Variants in CSMD3 observed in about 807,000 individuals in gnomAD.
CSMD3 encodes CUB and Sushi multiple domains 3, also known as CUB and sushi domain-containing protein 3.
A neutral mutation model predicts 435.2 loss-of-function variants in CSMD3; 177 were observed. The ratio of observed to expected loss-of-function variants is 0.41; its 90% CI spans 0.36 to 0.46. The LOEUF (loss-of-function observed/expected upper bound fraction) is 0.46, where lower values mean the gene tolerates loss of function less well. CSMD3 is among the 20% of genes least tolerant of loss of function. The pLI is 0.34. For synonymous variants in CSMD3, 1,656 were observed against 1,520.5 expected (o/e 1.09, Z -2.07); for missense variants, 4,265 against 4,504.6 (o/e 0.95, Z 1.52).
At chr8:112,890,840 A>C (rs2130323713) in intron 10 of CSMD3, among the ~76,000 whole-genome samples, 1 of 151,754 alleles carries the variant, frequency 6.6e-6, no homozygotes, top group South Asian at 2.1e-4. Context: ...GAGGTGAGAA[A>C]GTTATAGTAT....
In CSMD3 at chr8:112,730,071, T is replaced by C. The variant is rs79409645; in HGVS notation, c.1973-40021A>G. 7.7e-3 allele frequency among the ~76,000 whole-genome samples: 1,178 copies of C among 152,208 alleles called. 17 individuals carry two copies. Among genetic ancestry groups the C allele is most frequent in the African/African-American group, 0.026 (1,079 of 41,552 alleles). ...TGGAAAAGAGGATACTTGCTTTCAA[T>C]TGTGGTTGGAATATTTGTAGATATA... is the stretch of plus-strand genomic sequence containing the variant. On this transcript the variant is annotated intron_variant, in intron 13 of 70. Transcript: ENST00000297405.
chr8:112,410,361 G>T (rs1319601763), intron 32 of CSMD3, among the ~76,000 whole-genome samples: 2 of 150,884 alleles, frequency 1.3e-5, no homozygotes, highest in Admixed American at 6.7e-5. Flanking sequence ...ACAAATTTAT[G>T]TTTCCACCTA....
chr8:113,037,688 T>C (rs2087420443), intron 5 of CSMD3, among the ~76,000 whole-genome samples: 1 of 152,144 alleles, frequency 6.6e-6, no homozygotes, highest in South Asian at 2.1e-4. Flanking sequence ...ATTTTCACTA[T>C]GCATCAATAT....
intron 3 of CSMD3, among the ~76,000 whole-genome samples, chr8:113,185,767 A>C (rs527796747): frequency 1.1e-4 from 16 of 152,020 alleles, no homozygotes; most frequent in Non-Finnish European, 1.6e-4. Context: ...GTGCATGTGC[A>C]CGCGTGCGTG....
At chr8:112,889,760 T>A (rs1053339270) in intron 10 of CSMD3, among the ~76,000 whole-genome samples, 1 of 151,702 alleles carries the variant, frequency 6.6e-6, no homozygotes, top group Non-Finnish European at 1.5e-5. Flanking sequence ...ATTATACACT[T>A]TTTAAAGTAA....
chr8:113,013,417 C>G (rs923334338), intron 6 of CSMD3, among the ~76,000 whole-genome samples: 8 of 152,052 alleles, frequency 5.3e-5, no homozygotes, highest in Non-Finnish European at 1.0e-4. Flanking sequence ...AGTGAAGACT[C>G]TTTATTTACT....
chr8:113,068,731 A>G (rs1210997144), intron 5 of CSMD3, among the ~76,000 whole-genome samples: 1 of 152,116 alleles, frequency 6.6e-6, no homozygotes, highest in Non-Finnish European at 1.5e-5. Context: ...AATAAATAGC[A>G]TAATTTATTT....
At chr8:112,557,574 G>T (rs1296526523) in intron 24 of CSMD3, among the ~76,000 whole-genome samples, 1 of 151,884 alleles carries the variant, frequency 6.6e-6, no homozygotes, top group Admixed American at 6.6e-5. Context: ...GAGGAGCAAT[G>T]ATTTAATCAA....
intron 4 of CSMD3, among the ~76,000 whole-genome samples, chr8:113,147,818 C>T (rs1204109287): frequency 1.3e-5 from 2 of 151,630 alleles, no homozygotes; most frequent in African/African-American, 4.8e-5. Flanking sequence ...ACACATAACA[C>T]TCATGAATAA....
intron 64 of CSMD3, among the ~76,000 whole-genome samples, chr8:112,246,594 A>G (rs1433362210): frequency 6.6e-6 from 1 of 152,182 alleles, no homozygotes; most frequent in Non-Finnish European, 1.5e-5. Flanking sequence ...AGTGCCCATG[A>G]ATATTTCCTT....
At chr8:112,994,711 A>G (rs1302228747) in intron 6 of CSMD3, among the ~76,000 whole-genome samples, 2 of 151,508 alleles carry the variant, frequency 1.3e-5, no homozygotes, top group African/African-American at 4.8e-5. Flanking sequence ...GACATCACAC[A>G]TCTTCATATT....
intron 8 of CSMD3, among the ~76,000 whole-genome samples, chr8:112,952,259 A>G (rs184259257): frequency 1.4e-3 from 211 of 151,684 alleles, no homozygotes; most frequent in Non-Finnish European, 2.4e-3. Context: ...TTAAAATCTA[A>G]AGGTGCCATT....
At chr8:112,286,629 T>G (rs1221126741) in intron 58 of CSMD3, among the ~76,000 whole-genome samples, 8 of 152,106 alleles carry the variant, frequency 5.3e-5, no homozygotes, top group Admixed American at 3.3e-4. Flanking sequence ...AATCTCCTAC[T>G]GTGCATAATT....
intron 31 of CSMD3, among the ~76,000 whole-genome samples, chr8:112,482,408 G>T (rs2130803372): frequency 6.6e-6 from 1 of 152,266 alleles, no homozygotes; most frequent in South Asian, 2.1e-4. Flanking sequence ...AAAATTCACT[G>T]TTTTAAAGTG....
At chr8:112,869,055 T>C (rs2081061081) in intron 10 of CSMD3, among the ~76,000 whole-genome samples, 1 of 151,960 alleles carries the variant, frequency 6.6e-6, no homozygotes, top group African/African-American at 2.4e-5. Flanking sequence ...GAGTGGGGAT[T>C]TTGGTGGATT....
At chr8:112,504,044 C>T (rs1013595660) in intron 29 of CSMD3, 67 bp from the exon 30 acceptor site, 18 of 977,608 alleles carry the variant, frequency 1.8e-5, no homozygotes, top group African/African-American at 1.2e-4. Flanking sequence ...AGGCTGTTAA[C>T]CATAATAGTT....
At position 113,051,323 on chromosome 8, in the gene CSMD3, A is replaced by AT. The variant is rs555127939; in HGVS notation, c.918-32145dup. On this transcript the variant is annotated intron_variant, in intron 5 of 70. Transcript: ENST00000297405. ...CCATTATAATTGCCAAATGAGGGTT[A>AT]TTTTTTTTAACTAAACTTGCTGATA... 7.8e-3 allele frequency among the ~76,000 whole-genome samples: 1,184 copies of AT among 151,922 alleles called. 19 individuals are homozygous for AT. The highest frequency in any genetic ancestry group is 0.027 in the African/African-American group (1,130 of 41,490).
intron 11 of CSMD3, 98 bp downstream of exon 11, chr8:112,859,047 A>G: frequency 8.8e-7 from 1 of 1,132,248 alleles, no homozygotes. Context: ...ATCCTACTTG[A>G]GTTATAAATT....
chr8:112,452,877 T>C (rs1365077626), intron 32 of CSMD3, among the ~76,000 whole-genome samples: 3 of 152,160 alleles, frequency 2.0e-5, no homozygotes, highest in African/African-American at 7.2e-5. Flanking sequence ...CTCTGATCTA[T>C]GAAATACACT....
Sources: gnomAD v4.1 joint callset for allele counts (sites outside exome capture counted in the v4.1 genomes callset) on GRCh38, gnomAD v4.1.1 for gene constraint, MANE v1.5 for transcripts, NCBI Gene and HGNC (gene_info 2026-07-23, HGNC 2026-07-21) for gene names.